Variants in SYT7 observed in about 807,000 individuals in gnomAD.
SYT7 encodes synaptotagmin 7.
In SYT7, 29 loss-of-function variants were observed where a neutral mutation model predicts 75.1. That is an observed-to-expected ratio of 0.39 (90% confidence interval 0.29 to 0.53). The LOEUF is 0.53. Ranked by LOEUF, SYT7 falls within the 20% of genes least tolerant of loss-of-function variation. SYT7 has a pLI of 0.77. For missense variants in SYT7, 693 were observed against 953.2 expected (o/e 0.73, Z 3.59); for synonymous variants, 376 against 401.7 (o/e 0.94, Z 0.76).
In SYT7 at chr11:61,528,198, G is replaced by A; in HGVS notation, c.1201-13C>T. ...AGCCTGGGGAGAGCTGGGGGTGGGG[G>A]AGAGGCCGGCAGGGTTTGGGGAGGA... On this transcript the variant is annotated splice_polypyrimidine_tract_variant and intron_variant, in intron 8 of 12. Transcript: ENST00000539008. 6.8e-6 allele frequency: 11 copies of A among 1,608,622 alleles called. No homozygotes were observed. The highest frequency in any genetic ancestry group is 2.2e-5 in the East Asian group (1 of 44,858).
Position 61,515,687 on chromosome 11 carries a change from G to A in SYT7, c.*2940C>T, listed in dbSNP as rs1484592281. On this transcript the variant is annotated 3_prime_UTR_variant, in exon 13 of 13. Transcript: ENST00000539008. ...ATCTGGTGCCAGAGGGCAGGTGCGG[G>A]GGTCCTGGGGCGGGTGGAATTTGTA... 1 of 152,570 alleles carries A rather than the reference G, an allele frequency of 6.6e-6. No individual in the cohort carries two copies. The highest frequency in any genetic ancestry group is 1.5e-5 in the Non-Finnish European group (1 of 68,040). The allele number at this position is 152,570 out of a possible 1,614,324, so 9.5% of individuals were successfully genotyped here. A position where few individuals can be genotyped will look rare whatever the true frequency, so the allele number is the denominator to read the frequency against.
chr11:61,569,892 C>T (rs1206897224), intron 1 of SYT7, among the ~76,000 whole-genome samples: 5 of 152,216 alleles, frequency 3.3e-5, no homozygotes, highest in Admixed American at 6.5e-5. Flanking sequence ...GGCCTGCACA[C>T]CCTCCTACGC....
chr11:61,587,660 G>A, the SYT7 span, among the ~76,000 whole-genome samples: 4 of 150,772 alleles, frequency 2.7e-5, no homozygotes, highest in Non-Finnish European at 5.9e-5. Flanking sequence ...GGGACGAGGC[G>A]TCTCCGCTCT....
the SYT7 span, among the ~76,000 whole-genome samples, chr11:61,587,314 T>TG: frequency 6.6e-6 from 1 of 152,164 alleles, no homozygotes; most frequent in Non-Finnish European, 1.5e-5. Context: ...TCTGGTAGTG[T>TG]GGGGTGGGGG....
chr11:61,517,054 A>G lies in SYT7; in HGVS notation c.*1573T>C, dbSNP rs1367583006. ...TTTGGGGTGTCACAGGCCCATCCAG[A>G]GTGGAACTGGGGGCTAAGACCACGG... On this transcript the variant is annotated 3_prime_UTR_variant, in exon 13 of 13. Coordinates refer to ENST00000539008, the MANE Select transcript of SYT7 (RefSeq NM_001365809.2). 1 of 389,286 alleles carries G rather than the reference A, an allele frequency of 2.6e-6. No individual in the cohort carries two copies. Among genetic ancestry groups the G allele is most frequent in the Non-Finnish European group, 4.5e-6 (1 of 220,858 alleles). 24.1% of individuals were successfully genotyped at this position (389,286 alleles called of 1,614,324 possible).
At chr11:61,570,921 A>ACT (rs113106453) in intron 1 of SYT7, among the ~76,000 whole-genome samples, 8,055 of 152,212 alleles carry the variant, frequency 0.053, 432 homozygotes, top group African/African-American at 0.14. Flanking sequence ...CATAGTGATA[A>ACT]CTGTGACAGG....
intron 12 of SYT7, among the ~76,000 whole-genome samples, chr11:61,521,092 G>T (rs901878815): frequency 2.0e-5 from 3 of 152,188 alleles, no homozygotes; most frequent in Non-Finnish European, 4.4e-5. Context: ...GGGCCACTGT[G>T]GGCCTGCCCT....
At chr11:61,522,696 C>G (rs2062381425) in intron 12 of SYT7, among the ~76,000 whole-genome samples, 1 of 152,166 alleles carries the variant, frequency 6.6e-6, no homozygotes, top group South Asian at 2.1e-4. Context: ...GACTGCAGCT[C>G]CCAACACTGC....
At chr11:61,552,318 C>T (rs919492983) in intron 2 of SYT7, among the ~76,000 whole-genome samples, 9 of 152,210 alleles carry the variant, frequency 5.9e-5, no homozygotes, top group Middle Eastern at 3.4e-3. Context: ...CGTCCTCACA[C>T]GCACCCATGG....
chr11:61,573,715 G>A (rs182391818), intron 1 of SYT7, among the ~76,000 whole-genome samples: 4 of 152,250 alleles, frequency 2.6e-5, no homozygotes, highest in Admixed American at 2.0e-4. Context: ...CCATGCTCAA[G>A]CACTCCCTGC....
intron 1 of SYT7, among the ~76,000 whole-genome samples, chr11:61,557,528 G>A (rs867387408): frequency 4.7e-4 from 72 of 152,174 alleles, no homozygotes; most frequent in African/African-American, 1.7e-3. Flanking sequence ...CAGCACCCTG[G>A]GCAGCCCTTT....
rs2135238966 is a variant in SYT7, at chr11:61,542,116, G to A, written c.941+95C>T. The A allele has an allele frequency of 7.0e-7, 1 of 1,438,122 alleles. No individual in the cohort carries two copies. The highest frequency in any genetic ancestry group is 2.7e-5 in the East Asian group (1 of 37,712). 89.1% of individuals were successfully genotyped at this position (1,438,122 alleles called of 1,614,324 possible). A position where few individuals can be genotyped will look rare whatever the true frequency, so the allele number is the denominator to read the frequency against. On this transcript the variant is annotated intron_variant, in intron 6 of 12. Coordinates refer to ENST00000539008, the MANE Select transcript of SYT7 (RefSeq NM_001365809.2). The surrounding 1 kb of genome is among the most constrained non-coding windows in gnomAD (Gnocchi z 7.8). ...ACCCTGCCAAGGGGATGGAGGGCCG[G>A]GAGGTACACACAACCAGCTGCTCCC...
At chr11:61,563,385 G>A (rs1421485540) in intron 1 of SYT7, among the ~76,000 whole-genome samples, 2 of 152,178 alleles carry the variant, frequency 1.3e-5, no homozygotes, top group African/African-American at 2.4e-5. Flanking sequence ...CTGCTGGGGA[G>A]GTCACCATCA....
rs1217597161 is a variant in SYT7 at position 61,530,040 on chromosome 11, G to A, written c.1201-1855C>T. ...CACTGACCTCTTACAACATCCCAAT[G>A]AGGCAAGCACTCCCGCTGGAACACG... On this transcript the variant is annotated intron_variant, in intron 8 of 12. Transcript: ENST00000539008. Among the ~76,000 whole-genome samples the A allele has an allele frequency of 3.3e-5, 5 of 152,194 alleles. No homozygotes were observed. The East Asian group carries it at 7.7e-4, about 23-fold the overall frequency.
the SYT7 span, among the ~76,000 whole-genome samples, chr11:61,588,323 ACG>A: frequency 4.8e-4 from 73 of 152,280 alleles, no homozygotes; most frequent in African/African-American, 1.7e-3. Context: ...AGTGCATAAC[ACG>A]CATTATCCCG....
chr11:61,555,394 G>A (rs1015617455), intron 2 of SYT7, among the ~76,000 whole-genome samples: 1 of 152,228 alleles, frequency 6.6e-6, no homozygotes, highest in Non-Finnish European at 1.5e-5. Context: ...TTGCGGAGCA[G>A]CGGCTCGGGG....
Position 61,524,429 on chromosome 11 carries a change from A to C in SYT7, c.1575T>G (p.Leu525=). The C allele has an allele frequency of 6.2e-7, 1 of 1,614,042 alleles. No homozygotes were observed. Among genetic ancestry groups the C allele is most frequent in the Non-Finnish European group, 8.5e-7 (1 of 1,179,948 alleles). ...GCATCTGGGTCAGGTCCACCTTGTT[A>C]AGGGGGATGGACACCTCCCCAATGG... ...NDPIGEVSIP[L]NKVDLTQMQT... The change falls in exon 10 of 13, where the codon CTT becomes CTG. Residue 525 remains leucine (L), a synonymous_variant. Coordinates refer to ENST00000539008, the MANE Select transcript of SYT7 (RefSeq NM_001365809.2). This position sits in a 1 kb window ranked among gnomAD's most constrained non-coding sequence, Gnocchi z 4.1.
At chr11:61,539,042 G>A (rs995181309) in intron 6 of SYT7, among the ~76,000 whole-genome samples, 2 of 152,234 alleles carry the variant, frequency 1.3e-5, no homozygotes, top group Non-Finnish European at 2.9e-5. Flanking sequence ...TCCAGGGAAT[G>A]AGCACCACCG....
rs183523230 is a variant in SYT7 at position 61,529,412 on chromosome 11, G to A, written c.1201-1227C>T. Among the ~76,000 whole-genome samples, 6 of 152,290 alleles carry A rather than the reference G, an allele frequency of 3.9e-5. No individual in the cohort carries two copies. In the East Asian group the frequency reaches 1.2e-3, roughly 29 times the overall value. ...GTCTCCTTACTGAATCCTGACAATA[G>A]CCAGGCGAGGCAGGTGTCACCACCC... is the stretch of plus-strand genomic sequence containing the variant. On this transcript the variant is annotated intron_variant, in intron 8 of 12. Transcript: ENST00000539008.
Sources: gnomAD v4.1 joint callset for allele counts (sites outside exome capture counted in the v4.1 genomes callset) on GRCh38, gnomAD v4.1.1 for gene constraint, Gnocchi (gnomAD v3.1) non-coding constraint, MANE v1.5 for transcripts, NCBI Gene and HGNC (gene_info 2026-07-23, HGNC 2026-07-21) for gene names.